MOB3B: variants seen among roughly 807,000 people sequenced by gnomAD.
MOB3B encodes the protein MOB kinase activator 3B, also known as MOB kinase activator-like 2B.
Under a neutral mutation model 18.7 loss-of-function variants are expected in MOB3B, and 7 were observed. That is an observed-to-expected ratio of 0.37 (90% confidence interval 0.21 to 0.70). The LOEUF (loss-of-function observed/expected upper bound fraction) is 0.70. Among genes scored for constraint, MOB3B ranks in the 30% least tolerant of loss-of-function variants. The pLI is 0.52. For synonymous variants in MOB3B, 111 were observed against 99.9 expected, an observed-to-expected ratio of 1.11 and a Z score of -0.66; for missense variants, 253 against 281.3, an observed-to-expected ratio of 0.90 and a Z score of 0.72.
intron 3 of MOB3B, among the ~76,000 whole-genome samples, chr9:27,349,840 G>A (rs1821080844): frequency 6.6e-6 from 1 of 152,150 alleles, no homozygotes; most frequent in Admixed American, 6.5e-5. Context: ...ATACTAGGGG[G>A]CTTAAACAAT....
intron 3 of MOB3B, among the ~76,000 whole-genome samples, chr9:27,339,209 A>G (rs1820906224): frequency 6.6e-6 from 1 of 152,184 alleles, no homozygotes; most frequent in Non-Finnish European, 1.5e-5. Context: ...AGGGACCAGG[A>G]GTCAATGGTG....
At chr9:27,423,730 A>G (rs1045870067) in intron 2 of MOB3B, among the ~76,000 whole-genome samples, 3 of 152,254 alleles carry the variant, frequency 2.0e-5, no homozygotes, top group African/African-American at 4.8e-5. Context: ...CAATGCCTTC[A>G]TATGGCAGGC....
chr9:27,464,828 C>A (rs1365859884), intron 1 of MOB3B, among the ~76,000 whole-genome samples: 1 of 152,094 alleles, frequency 6.6e-6, no homozygotes, highest in Non-Finnish European at 1.5e-5. Context: ...CCCTGATAAA[C>A]CCATCAGATC....
intron 3 of MOB3B, among the ~76,000 whole-genome samples, chr9:27,344,938 G>A (rs547110513): frequency 6.6e-6 from 1 of 152,352 alleles, no homozygotes; most frequent in African/African-American, 2.4e-5. Context: ...CCGCGACAGG[G>A]TCAACAACCT....
intron 1 of MOB3B, among the ~76,000 whole-genome samples, chr9:27,527,521 G>C (rs576519520): frequency 6.6e-6 from 1 of 152,202 alleles, no homozygotes; most frequent in Non-Finnish European, 1.5e-5. Context: ...AGTTCGCAAA[G>C]GGAAAACTCT....
At chr9:27,526,577 G>C (rs543808069) in intron 1 of MOB3B, 1 of 152,310 alleles carries the variant, frequency 6.6e-6, no homozygotes, top group South Asian at 2.1e-4. Flanking sequence ...GGAGGAAAGA[G>C]AATGGCTGAG....
chr9:27,389,851 C>T (rs554207497), intron 2 of MOB3B, among the ~76,000 whole-genome samples: 104 of 151,958 alleles, frequency 6.8e-4, no homozygotes, highest in African/African-American at 2.2e-3. Flanking sequence ...GGACCGAGAC[C>T]GAGGAGACAT....
intron 1 of MOB3B, among the ~76,000 whole-genome samples, chr9:27,514,681 A>C (rs890347952): frequency 7.2e-5 from 11 of 152,212 alleles, no homozygotes; most frequent in African/African-American, 2.4e-4. Context: ...AACATGTGTG[A>C]CCATGCTTTT....
At chr9:27,449,862 C>T (rs181223720) in intron 2 of MOB3B, among the ~76,000 whole-genome samples, 1 of 151,856 alleles carries the variant, frequency 6.6e-6, no homozygotes, top group Non-Finnish European at 1.5e-5. Flanking sequence ...CCTGTGACCC[C>T]AGCTACTCAG....
intron 2 of MOB3B, among the ~76,000 whole-genome samples, chr9:27,374,843 C>T (rs1821469719): frequency 6.6e-6 from 1 of 152,244 alleles, no homozygotes; most frequent in East Asian, 1.9e-4. Flanking sequence ...ATGGAAGATG[C>T]TGTACTCATC....
intron 2 of MOB3B, among the ~76,000 whole-genome samples, chr9:27,383,680 C>T (rs187807823): frequency 6.6e-6 from 1 of 152,228 alleles, no homozygotes; most frequent in Admixed American, 6.5e-5. Context: ...GCTCTGTGAA[C>T]CCAGTAGGCT....
chr9:27,379,164 A>G (rs1165241182), intron 2 of MOB3B, among the ~76,000 whole-genome samples: 1 of 152,282 alleles, frequency 6.6e-6, no homozygotes, highest in East Asian at 1.9e-4. Flanking sequence ...GATGGTTTTC[A>G]TCTCTGGTTG....
chr9:27,398,555 T>C (rs771136332), intron 2 of MOB3B, among the ~76,000 whole-genome samples: 1 of 152,176 alleles, frequency 6.6e-6, no homozygotes, highest in Non-Finnish European at 1.5e-5. Context: ...TCCCTCTTCA[T>C]GGAGAATCTC....
At chr9:27,484,178 T>C (rs552412780) in intron 1 of MOB3B, among the ~76,000 whole-genome samples, 1 of 152,292 alleles carries the variant, frequency 6.6e-6, no homozygotes, top group East Asian at 1.9e-4. Context: ...GAGCTGAGGG[T>C]GAGTTGAACA....
intron 2 of MOB3B, among the ~76,000 whole-genome samples, chr9:27,414,810 G>A (rs62540100): frequency 0.48 from 72,720 of 152,046 alleles, 18,213 homozygotes; most frequent in East Asian, 0.7. Context: ...TATATAAAAT[G>A]AGAAAGAAAT....
At chr9:27,447,479 T>A (rs1318429880) in intron 2 of MOB3B, among the ~76,000 whole-genome samples, 1 of 152,174 alleles carries the variant, frequency 6.6e-6, no homozygotes, top group East Asian at 1.9e-4. Context: ...CCATTTCCCT[T>A]CCCAGCTGGT....
At chr9:27,524,289 C>G in intron 1 of MOB3B, 1 of 1,546,010 alleles carries the variant, frequency 6.5e-7, no homozygotes, top group Middle Eastern at 1.8e-4. Context: ...AAACTCAAAA[C>G]ATCATTGTCA....
At chr9:27,403,995 T>C (rs1821926383) in intron 2 of MOB3B, among the ~76,000 whole-genome samples, 1 of 152,342 alleles carries the variant, frequency 6.6e-6, no homozygotes, top group African/African-American at 2.4e-5. Context: ...TTGTTAACTA[T>C]AGTCGCTCTA....
At chr9:27,362,048 T>A (rs902011815) in intron 2 of MOB3B, among the ~76,000 whole-genome samples, 1 of 152,316 alleles carries the variant, frequency 6.6e-6, no homozygotes, top group East Asian at 1.9e-4. Flanking sequence ...TGGCAATTGC[T>A]GGCCCCTTTT....
Sources: allele counts gnomAD v4.1 joint callset (sites outside exome capture counted in the v4.1 genomes callset), GRCh38; gene constraint gnomAD v4.1.1; transcripts MANE v1.5; gene names NCBI Gene and HGNC (gene_info 2026-07-23, HGNC 2026-07-21).